GSE1: variants seen among roughly 807,000 people sequenced by gnomAD.
GSE1 encodes genetic suppressor element 1.
In GSE1, 32 loss-of-function variants were observed where a neutral mutation model predicts 112.6. That is an observed-to-expected ratio of 0.28 (90% CI 0.21 to 0.38). The LOEUF is 0.38. Among genes scored for constraint, GSE1 ranks in the 10% least tolerant of loss-of-function variants. GSE1 has a pLI of 1.00. For missense variants in GSE1, 2,348 were observed against 1,699.2 expected (o/e 1.38, Z -6.71); for synonymous variants, 1,115 against 735.6 (o/e 1.52, Z -8.35).
intron 2 of GSE1, chr16:85,463,204 C>A (rs62050403): frequency 0.42 from 299,132 of 709,050 alleles, 64,697 homozygotes; most frequent in South Asian, 0.47. Context: ...GCCACCCACC[C>A]GGGGCTGGAA....
At chr16:85,193,220 G>A (rs777937953) in intron 1 of GSE1, among the ~76,000 whole-genome samples, 17 of 152,234 alleles carry the variant, frequency 1.1e-4, no homozygotes, top group Non-Finnish European at 1.0e-4. Context: ...TCAATTCTTC[G>A]GTGTCTGTTT....
chr16:85,347,352 G>A (rs1299007325), intron 1 of GSE1, among the ~76,000 whole-genome samples: 2 of 152,156 alleles, frequency 1.3e-5, no homozygotes, highest in African/African-American at 4.8e-5. Flanking sequence ...ATCTTGGGGC[G>A]CTGGCCTCTC....
intron 2 of GSE1, among the ~76,000 whole-genome samples, chr16:85,510,266 G>A (rs2051691761): frequency 6.6e-6 from 1 of 152,214 alleles, no homozygotes; most frequent in Non-Finnish European, 1.5e-5. Flanking sequence ...AAGTTTTGCT[G>A]CCACGAGGAC....
intron 2 of GSE1, among the ~76,000 whole-genome samples, chr16:85,379,630 C>T (rs2047501841): frequency 6.6e-6 from 1 of 152,148 alleles, no homozygotes; most frequent in South Asian, 2.1e-4. Context: ...GTACGTTTTC[C>T]TGTGGCCCCT....
Position 85,663,904 on chromosome 16 carries a change from C to G in GSE1, c.2644+290C>G, listed in dbSNP as rs1480099787. ...GAAGGCGCTCTTTGAGCCGAGTGCT[C>G]CAGTGACCACCAGGCGTGAGGGGAG... On this transcript the variant is annotated intron_variant, in intron 11 of 15. Transcript: ENST00000253458. Among the ~76,000 whole-genome samples the G allele has an allele frequency of 2.6e-5, 4 of 152,272 alleles. No homozygotes were observed. The East Asian group carries it at 7.7e-4, about 29-fold the overall frequency.
At chr16:85,508,281 G>T (rs112735202) in intron 2 of GSE1, among the ~76,000 whole-genome samples, 3,557 of 152,248 alleles carry the variant, frequency 0.023, 63 homozygotes, top group South Asian at 0.065. Context: ...TGATCCACCC[G>T]CTTCGGCCTC....
chr16:85,423,323 G>T (rs1305719057), intron 2 of GSE1, among the ~76,000 whole-genome samples: 2 of 152,212 alleles, frequency 1.3e-5, no homozygotes, highest in African/African-American at 4.8e-5. Flanking sequence ...ATGTCCAATG[G>T]CCTCACCCAT....
intron 1 of GSE1, among the ~76,000 whole-genome samples, chr16:85,620,646 G>A (rs914374310): frequency 2.0e-5 from 3 of 152,272 alleles, no homozygotes; most frequent in African/African-American, 4.8e-5. Flanking sequence ...ACAGGGTTTC[G>A]GAATCAGCCC....
At chr16:85,548,009 C>T (rs570103166) in intron 2 of GSE1, among the ~76,000 whole-genome samples, 20 of 151,626 alleles carry the variant, frequency 1.3e-4, no homozygotes, top group Non-Finnish European at 2.5e-4. Flanking sequence ...GGGCGGATCA[C>T]GAGGTCAGGA....
chr16:85,237,824 C>T (rs1021724139), intron 1 of GSE1, among the ~76,000 whole-genome samples: 2 of 146,506 alleles, frequency 1.4e-5, no homozygotes, highest in Non-Finnish European at 3.0e-5. Context: ...GGCGACAGAG[C>T]AAGACTCTGT....
At chr16:85,591,521 G>T (rs4240810) in intron 1 of GSE1, among the ~76,000 whole-genome samples, 101,960 of 152,156 alleles carry the variant, frequency 0.67, 34,604 homozygotes, top group East Asian at 0.9. Flanking sequence ...ACAGCCTTGC[G>T]GGCTCAGCGG....
intron 1 of GSE1, among the ~76,000 whole-genome samples, chr16:85,195,764 T>G (rs7206798): frequency 0.033 from 5,034 of 152,246 alleles, 280 homozygotes; most frequent in African/African-American, 0.11. Context: ...GCTGAGACTG[T>G]CCCGGAAAGG....
intron 1 of GSE1, among the ~76,000 whole-genome samples, chr16:85,279,246 C>G (rs547670559): frequency 2.0e-5 from 3 of 152,188 alleles, no homozygotes; most frequent in South Asian, 2.1e-4. Flanking sequence ...TTCCTGTGTA[C>G]TCTACGGGTT....
At chr16:85,352,132 A>C (rs2046863356) in intron 1 of GSE1, among the ~76,000 whole-genome samples, 1 of 152,146 alleles carries the variant, frequency 6.6e-6, no homozygotes, top group African/African-American at 2.4e-5. Context: ...TCCTCTTTGG[A>C]GCAGGGATGT....
intron 2 of GSE1, among the ~76,000 whole-genome samples, chr16:85,519,932 A>G (rs150543127): frequency 6.6e-6 from 1 of 151,944 alleles, no homozygotes; most frequent in African/African-American, 2.4e-5. Flanking sequence ...CATGCCCTCT[A>G]TACTTGGGAA....
intron 2 of GSE1, among the ~76,000 whole-genome samples, chr16:85,638,421 G>T (rs1361246947): frequency 6.6e-6 from 1 of 152,204 alleles, no homozygotes; most frequent in Non-Finnish European, 1.5e-5. Context: ...TGCCGAGGCT[G>T]GGGCGCTTTG....
intron 2 of GSE1, among the ~76,000 whole-genome samples, chr16:85,472,498 C>T (rs2050326147): frequency 6.6e-6 from 1 of 152,182 alleles, no homozygotes; most frequent in Admixed American, 6.5e-5. Flanking sequence ...GCCTTAGGAC[C>T]CACCTTATTC....
intron 1 of GSE1, among the ~76,000 whole-genome samples, chr16:85,263,578 C>CT (rs34811885): frequency 0.12 from 17,148 of 145,842 alleles, 1,112 homozygotes; most frequent in Non-Finnish European, 0.15. Context: ...TTTTTCTTTC[C>CT]TTTTTTTTTT....
At chr16:85,306,542 C>G (rs967958807) in intron 1 of GSE1, among the ~76,000 whole-genome samples, 9 of 152,218 alleles carry the variant, frequency 5.9e-5, no homozygotes, top group Non-Finnish European at 1.3e-4. Flanking sequence ...AAATAACTTT[C>G]TAGCCTTTTT....
Sources: allele counts gnomAD v4.1 joint callset (sites outside exome capture counted in the v4.1 genomes callset), GRCh38; gene constraint gnomAD v4.1.1; transcripts MANE v1.5; gene names NCBI Gene and HGNC (gene_info 2026-07-23, HGNC 2026-07-21).